Variants in CLPB observed in about 807,000 individuals in gnomAD.
CLPB encodes the protein mitochondrial disaggregase.
Under a neutral mutation model 78.4 loss-of-function variants are expected in CLPB, and 40 were observed. That is an observed-to-expected ratio of 0.51 (90% confidence interval 0.40 to 0.66). The LOEUF is 0.66. CLPB is among the 30% of genes least tolerant of loss of function. The probability of loss-of-function intolerance (pLI) is 0.00; values close to 1 mark genes in which losing one functional copy is unlikely to be tolerated. For synonymous variants in CLPB, 333 were observed against 348.0 expected (o/e 0.96, Z 0.48); for missense variants, 780 against 886.9 (o/e 0.88, Z 1.53).
At position 72,293,625 on chromosome 11, in the gene CLPB, G is replaced by T; in HGVS notation, c.1786-10C>A. 2 of 1,605,832 alleles carry T rather than the reference G, an allele frequency of 1.2e-6. No homozygotes were observed. The highest frequency in any genetic ancestry group is 1.1e-5 in the South Asian group (1 of 90,620). ...CCACACGGCGTTCTACCTGTCGGTG[G>T]GGAGGTGAAGTGGTCACTCCCTCGG... On this transcript the variant is annotated splice_polypyrimidine_tract_variant and intron_variant, in intron 15 of 15. Transcript: ENST00000538039.
At chr11:72,413,840 C>T (rs965694702) in intron 2 of CLPB, among the ~76,000 whole-genome samples, 1 of 152,186 alleles carries the variant, frequency 6.6e-6, no homozygotes, top group Non-Finnish European at 1.5e-5. Context: ...TCCATTCGTT[C>T]CATAAACTCT....
chr11:72,357,587 T>G (rs1029288053), intron 5 of CLPB, among the ~76,000 whole-genome samples: 1 of 149,802 alleles, frequency 6.7e-6, no homozygotes, highest in Non-Finnish European at 1.5e-5. Context: ...TCCCAGCTAC[T>G]CGGGAGGCTG....
intron 5 of CLPB, among the ~76,000 whole-genome samples, chr11:72,338,108 C>A (rs1041381069): frequency 6.6e-6 from 1 of 152,176 alleles, no homozygotes; most frequent in Non-Finnish European, 1.5e-5. Context: ...CTTGTTCTTG[C>A]CCTTGAGCAG....
chr11:72,313,889 G>A (rs1434907786), intron 7 of CLPB, among the ~76,000 whole-genome samples: 1 of 152,166 alleles, frequency 6.6e-6, no homozygotes, highest in East Asian at 1.9e-4. Context: ...ACGTGGAAGG[G>A]CAGGGCAGTC....
At position 72,329,731 on chromosome 11, in the gene CLPB, C is replaced by T. The variant is rs759743960; in HGVS notation, c.849G>A (p.Lys283=). 9.9e-6 allele frequency: 16 copies of T among 1,613,770 alleles called. No individual in the cohort carries two copies. The East Asian group carries it at 3.1e-4, about 31-fold the overall frequency. The part of the protein sequence containing the change: ...LDYAREGEVM[K]LLRTSEAKYQ... ...CCTTGGCTTCAGAAGTCCTCAGAAG[C>T]TTCATCACTTCCCCTTCTCGGGCAT... Residue 283 remains lysine, a synonymous_variant, in exon 6 of 16, where the codon AAG becomes AAA. Coordinates refer to ENST00000538039, the MANE Select transcript of CLPB (RefSeq NM_001258392.3).
intron 1 of CLPB, 57 bp from the exon 2 acceptor site, chr11:72,430,420 C>T: frequency 6.5e-7 from 1 of 1,535,756 alleles, no homozygotes; most frequent in South Asian, 1.2e-5. Flanking sequence ...CATCTCAGGA[C>T]TGCGTGGAGG....
intron 2 of CLPB, among the ~76,000 whole-genome samples, chr11:72,408,441 G>C (rs777407944): frequency 2.6e-5 from 4 of 152,150 alleles, no homozygotes; most frequent in Admixed American, 2.6e-4. Flanking sequence ...GCCAAGGTGA[G>C]TGGATCATGA....
At chr11:72,328,427 T>G (rs192919603) in intron 6 of CLPB, among the ~76,000 whole-genome samples, 1 of 152,240 alleles carries the variant, frequency 6.6e-6, no homozygotes, top group Non-Finnish European at 1.5e-5. Flanking sequence ...CCTAGAACAT[T>G]AGAAACCATT....
At chr11:72,328,191 C>T (rs1411128230) in intron 6 of CLPB, among the ~76,000 whole-genome samples, 1 of 152,178 alleles carries the variant, frequency 6.6e-6, no homozygotes, top group Non-Finnish European at 1.5e-5. Flanking sequence ...ATCCTTTTCC[C>T]TCTGGCAAGC....
chr11:72,422,380 T>C (rs1590930973), intron 2 of CLPB, among the ~76,000 whole-genome samples: 3 of 152,018 alleles, frequency 2.0e-5, no homozygotes, highest in Non-Finnish European at 1.5e-5. Flanking sequence ...GACTTATTAA[T>C]GGTCACATAG....
intron 3 of CLPB, among the ~76,000 whole-genome samples, chr11:72,385,843 C>A (rs1374868386): frequency 1.3e-5 from 2 of 152,074 alleles, no homozygotes; most frequent in African/African-American, 2.4e-5. Flanking sequence ...AATAAAAAAA[C>A]CCACATTGTT....
At chr11:72,358,345 A>G (rs1034028921) in intron 5 of CLPB, among the ~76,000 whole-genome samples, 1 of 152,212 alleles carries the variant, frequency 6.6e-6, no homozygotes, top group Non-Finnish European at 1.5e-5. Context: ...TTGAACAAAT[A>G]AAAACAATTT....
At chr11:72,396,370 C>T (rs546144481) in intron 3 of CLPB, among the ~76,000 whole-genome samples, 36 of 152,234 alleles carry the variant, frequency 2.4e-4, no homozygotes, top group Admixed American at 4.6e-4. Flanking sequence ...TCACCTTCTC[C>T]GAGGCAAAGG....
chr11:72,294,110 T>A lies in CLPB; in HGVS notation c.1697A>T (p.Asn566Ile). ...FWAKRAKQRH[N>I]ITLLWDREVA... ...CTCGCGGTCCCAGAGCAGCGTGATG[T>A]TGTGCCTTTGCTTGGCCTGAGATGG... is the stretch of plus-strand genomic sequence containing the variant. Residue 566 changes from asparagine to isoleucine, a missense_variant, in exon 15 of 16, where the codon AAC becomes ATC. Asn to Ile is a moderately radical substitution (Grantham distance 149). This residue lies in a region of CLPB where 272 missense variants were observed against 304.0 expected (regional missense o/e 0.89). Transcript: ENST00000538039. The A allele has an allele frequency of 1.2e-6, 2 of 1,614,126 alleles. No individual in the cohort carries two copies. Among genetic ancestry groups the A allele is most frequent in the East Asian group, 2.2e-5 (1 of 44,872 alleles).
chr11:72,387,392 T>G (rs1855110342), intron 3 of CLPB, among the ~76,000 whole-genome samples: 1 of 152,200 alleles, frequency 6.6e-6, no homozygotes, highest in Non-Finnish European at 1.5e-5. Context: ...ATGTTAGTTA[T>G]TATTACTATG....
At chr11:72,388,836 T>C (rs117111213) in intron 3 of CLPB, among the ~76,000 whole-genome samples, 7,646 of 152,214 alleles carry the variant, frequency 0.05, 256 homozygotes, top group Non-Finnish European at 0.076. Context: ...ACTGAAACTA[T>C]AGCATATAGC....
At chr11:72,421,427 GA>G (rs1045257087) in intron 2 of CLPB, among the ~76,000 whole-genome samples, 25 of 152,206 alleles carry the variant, frequency 1.6e-4, no homozygotes, top group Admixed American at 1.6e-3. Context: ...ATCACTGGGG[GA>G]TCAGGGAAGG....
chr11:72,318,088 A>G (rs1327165555), intron 6 of CLPB, among the ~76,000 whole-genome samples: 1 of 152,258 alleles, frequency 6.6e-6, no homozygotes, highest in Admixed American at 6.5e-5. Context: ...ACCTACTTGA[A>G]AACAAGTTTG....
intron 6 of CLPB, among the ~76,000 whole-genome samples, chr11:72,326,229 G>T (rs1053739303): frequency 2.0e-5 from 3 of 152,094 alleles, no homozygotes; most frequent in African/African-American, 7.2e-5. Flanking sequence ...GTTATGTCTT[G>T]GTAGGAGGGC....
Sources: gnomAD v4.1 joint callset for allele counts (sites outside exome capture counted in the v4.1 genomes callset) on GRCh38, gnomAD v4.1.1 for gene constraint, gnomAD v4.1.1 regional missense constraint, MANE v1.5 for transcripts, NCBI Gene and HGNC (gene_info 2026-07-23, HGNC 2026-07-21) for gene names.